PLAAT1: variants seen among roughly 807,000 people sequenced by gnomAD.
PLAAT1 encodes H-REV107 protein-related protein.
Under a neutral mutation model 16.4 loss-of-function variants are expected in PLAAT1, and 13 were observed. That is an observed-to-expected ratio of 0.79 (90% confidence interval 0.52 to 1.26). The LOEUF is 1.26. PLAAT1 is among the 50% of genes most tolerant of loss of function. The pLI is 0.00. For missense variants in PLAAT1, 218 were observed against 207.8 expected, an observed-to-expected ratio of 1.05 and a Z score of -0.30; for synonymous variants, 73 against 78.4, an observed-to-expected ratio of 0.93 and a Z score of 0.36.
intron 3 of PLAAT1, among the ~76,000 whole-genome samples, chr3:193,270,069 AACACACAC>A (rs1553807457): frequency 2.1e-4 from 31 of 147,990 alleles, no homozygotes; most frequent in South Asian, 1.1e-3. Context: ...ACATCCCTGA[AACACACAC>A]ACACACACAC....
chr3:193,242,844 G>A (rs1715825756), intron 1 of PLAAT1, among the ~76,000 whole-genome samples: 1 of 152,198 alleles, frequency 6.6e-6, no homozygotes, highest in Admixed American at 6.5e-5. Context: ...GGAAAAGGTC[G>A]AAACCTAATT....
In PLAAT1 at chr3:193,270,602, A is replaced by G. The variant is rs376118882; in HGVS notation, c.406-2A>G. 3.5e-5 allele frequency: 57 copies of G among 1,611,496 alleles called. No homozygotes were observed. Among genetic ancestry groups the G allele is most frequent in the Non-Finnish European group, 4.7e-5 (55 of 1,178,646 alleles). On this transcript the variant is annotated splice_acceptor_variant, in intron 3 of 3. Transcript: ENST00000264735. LOFTEE classifies it high-confidence loss of function. ...TTTTGTTTACTTCTTGTTTCCTTAT[A>G]GGCCAACCGAGCGATAAGTACCGTT...
At position 193,241,223 on chromosome 3, in the gene PLAAT1, T is replaced by G; in HGVS notation, c.-311T>G. 4 of 1,223,922 alleles carry G rather than the reference T, an allele frequency of 3.3e-6. No individual in the cohort carries two copies. Among genetic ancestry groups the G allele is most frequent in the Non-Finnish European group, 4.1e-6 (4 of 983,028 alleles). 75.8% of individuals were successfully genotyped at this position (1,223,922 alleles called of 1,614,324 possible). A position where few individuals can be genotyped will look rare whatever the true frequency, so the allele number is the denominator to read the frequency against. On this transcript the variant is annotated 5_prime_UTR_variant, in exon 1 of 4. Transcript: ENST00000264735. ...GGGCGGAGCGGGCGGCTCCCCATGGTCAGAGCCTCGTGCCGGCTCGGCAGC... is the reference window on the plus strand; with the variant it reads ...GGGCGGAGCGGGCGGCTCCCCATGGGCAGAGCCTCGTGCCGGCTCGGCAGC...
chr3:193,262,227 C>T (rs1716608917), intron 2 of PLAAT1, among the ~76,000 whole-genome samples: 1 of 152,018 alleles, frequency 6.6e-6, no homozygotes, highest in South Asian at 2.1e-4. Context: ...GCAGAGGCAG[C>T]CAAGGTGGAG....
intron 1 of PLAAT1, among the ~76,000 whole-genome samples, chr3:193,254,474 A>G (rs1052933839): frequency 4.6e-5 from 7 of 152,204 alleles, no homozygotes; most frequent in African/African-American, 1.7e-4. Flanking sequence ...CAACATAGAT[A>G]CAGCATTTAA....
At chr3:193,278,086 G>A (rs753788358), downstream of PLAAT1, among the ~76,000 whole-genome samples, 7 of 152,160 alleles carry the variant, frequency 4.6e-5, no homozygotes, top group Non-Finnish European at 8.8e-5. Flanking sequence ...TTACAGGCAT[G>A]AGCCACCATG....
chr3:193,260,565 A>T (rs904163370), intron 2 of PLAAT1, among the ~76,000 whole-genome samples: 1 of 152,220 alleles, frequency 6.6e-6, no homozygotes, highest in Non-Finnish European at 1.5e-5. Flanking sequence ...TGAAAAGAAG[A>T]CATTCAGGCA....
chr3:193,243,186 G>A (rs1180082852), intron 1 of PLAAT1, among the ~76,000 whole-genome samples: 1 of 152,078 alleles, frequency 6.6e-6, no homozygotes, highest in Non-Finnish European at 1.5e-5. Context: ...TTTGCAGATG[G>A]ACTCAAAATG....
At chr3:193,243,729 T>C (rs1171942093) in intron 1 of PLAAT1, among the ~76,000 whole-genome samples, 3 of 152,212 alleles carry the variant, frequency 2.0e-5, no homozygotes, top group African/African-American at 7.2e-5. Context: ...GGTCTGGCAC[T>C]TAACTCATCT....
chr3:193,271,778 A>G (rs1328591768), downstream of PLAAT1, among the ~76,000 whole-genome samples: 1 of 152,194 alleles, frequency 6.6e-6, no homozygotes, highest in Non-Finnish European at 1.5e-5. Flanking sequence ...AATACAGTAC[A>G]TAATGTAACT....
chr3:193,270,803 T>C lies in PLAAT1; in HGVS notation c.*98T>C. ...TTCAGTGCATCATTACTGTTCCAGA[T>C]TCCTATGATGGATGGCAGACTCTTT... On this transcript the variant is annotated 3_prime_UTR_variant, in exon 4 of 4. Transcript: ENST00000264735. 1 of 1,458,952 alleles carries C rather than the reference T, an allele frequency of 6.9e-7. No homozygotes were observed. Among genetic ancestry groups the C allele is most frequent in the Non-Finnish European group, 9.1e-7 (1 of 1,102,082 alleles). The allele number at this position is 1,458,952 out of a possible 1,614,324, so 90.4% of individuals were successfully genotyped here.
chr3:193,245,353 T>C (rs1715940669), intron 1 of PLAAT1, among the ~76,000 whole-genome samples: 1 of 152,226 alleles, frequency 6.6e-6, no homozygotes, highest in African/African-American at 2.4e-5. Context: ...CCATCCATGT[T>C]GTCACTAATG....
At chr3:193,245,310 G>C (rs1715938690) in intron 1 of PLAAT1, among the ~76,000 whole-genome samples, 1 of 152,044 alleles carries the variant, frequency 6.6e-6, no homozygotes, top group African/African-American at 2.4e-5. Flanking sequence ...TTACGTTTCT[G>C]GCTTATTTCA....
At chr3:193,272,470 A>C (rs1228235201), downstream of PLAAT1, among the ~76,000 whole-genome samples, 2 of 151,372 alleles carry the variant, frequency 1.3e-5, no homozygotes, top group African/African-American at 2.4e-5. Flanking sequence ...CAAAACAAAA[A>C]AACCCAGTTT....
intron 2 of PLAAT1, among the ~76,000 whole-genome samples, 164 bp from the exon 3 acceptor site, chr3:193,262,806 T>C (rs961400467): frequency 1.3e-5 from 2 of 152,230 alleles, no homozygotes; most frequent in African/African-American, 2.4e-5. Context: ...TGCTAAGTTA[T>C]AGAATAACTG....
chr3:193,253,546 C>T (rs1716269340), intron 1 of PLAAT1, among the ~76,000 whole-genome samples: 1 of 152,034 alleles, frequency 6.6e-6, no homozygotes, highest in Non-Finnish European at 1.5e-5. Context: ...AGCTTTTTAC[C>T]AGCTCCCTAA....
intron 1 of PLAAT1, among the ~76,000 whole-genome samples, chr3:193,244,802 A>G (rs975221463): frequency 1.3e-5 from 2 of 152,068 alleles, no homozygotes; most frequent in Non-Finnish European, 2.9e-5. Flanking sequence ...TCTTCCTGTG[A>G]TAAAGCCACT....
chr3:193,257,242 C>T (rs181648871), intron 2 of PLAAT1, among the ~76,000 whole-genome samples: 2 of 152,254 alleles, frequency 1.3e-5, no homozygotes, highest in East Asian at 1.9e-4. Context: ...CCATGTTCAT[C>T]GCTGGACTAT....
chr3:193,270,892 T>C, downstream of PLAAT1: 2 of 1,242,236 alleles, frequency 1.6e-6, no homozygotes, highest in Non-Finnish European at 2.0e-6. Flanking sequence ...CCTGCTAGCA[T>C]AGATGTACTG....
Sources: allele counts gnomAD v4.1 joint callset (sites outside exome capture counted in the v4.1 genomes callset), GRCh38; gene constraint gnomAD v4.1.1; transcripts MANE v1.5; gene names NCBI Gene and HGNC (gene_info 2026-07-23, HGNC 2026-07-21).